Variants in NCOA2 observed in about 807,000 individuals in gnomAD.
NCOA2 encodes class E basic helix-loop-helix protein 75.
Under a neutral mutation model 145.1 loss-of-function variants are expected in NCOA2, and 21 were observed. That is an observed-to-expected ratio of 0.14 (90% CI 0.10 to 0.21). The LOEUF is 0.21. NCOA2 is among the 10% of genes least tolerant of loss of function. The pLI is 1.00. For missense variants in NCOA2, 1,472 were observed against 1,837.6 expected, an observed-to-expected ratio of 0.80 and a Z score of 3.64; for synonymous variants, 619 against 637.5, an observed-to-expected ratio of 0.97 and a Z score of 0.44.
intron 2 of NCOA2, among the ~76,000 whole-genome samples, chr8:70,226,470 C>T (rs1820650888): frequency 6.6e-6 from 1 of 151,870 alleles, no homozygotes; most frequent in African/African-American, 2.4e-5. Context: ...TGAGGGAAAC[C>T]TATACTGTAC....
rs559680322 is a variant in NCOA2, at chr8:70,321,793, CTTTTTTTTTT to C, written c.-76-25003_-76-24994del. On this transcript the variant is annotated intron_variant, in intron 1 of 22. Transcript: ENST00000452400. The stretch of plus-strand genomic sequence containing the variant: ...TGCTTTCCTAAGTTTCAGAATATAC[CTTTTTTTTTT>C]TTTTTTTTTTTTTTTTTTGGTGAAA... Among the ~76,000 whole-genome samples the C allele has an allele frequency of 2.3e-4, 17 of 73,570 alleles. No individual in the cohort carries two copies. The South Asian group carries it at 2.6e-3, about 11-fold the overall frequency. 48.3% of individuals were successfully genotyped at this position (73,570 alleles called of 152,430 possible). A position where few individuals can be genotyped will look rare whatever the true frequency, so the allele number is the denominator to read the frequency against.
At chr8:70,122,206 A>G (rs1487074585) in intron 21 of NCOA2, among the ~76,000 whole-genome samples, 3 of 152,148 alleles carry the variant, frequency 2.0e-5, no homozygotes, top group Non-Finnish European at 4.4e-5. Flanking sequence ...TCAACCCTAC[A>G]TTTCTCCATT....
chr8:70,233,191 A>G (rs1821301747), intron 2 of NCOA2, among the ~76,000 whole-genome samples: 1 of 151,150 alleles, frequency 6.6e-6, no homozygotes, highest in Admixed American at 6.6e-5. Flanking sequence ...GCACCACTAC[A>G]CTCCAGCCTG....
intron 1 of NCOA2, among the ~76,000 whole-genome samples, chr8:70,398,436 G>C (rs540105112): frequency 9.9e-5 from 15 of 152,256 alleles, no homozygotes; most frequent in African/African-American, 3.4e-4. Context: ...ACTCCAGCCT[G>C]GATGACAGAG....
At chr8:70,314,561 T>A (rs1162246214) in intron 1 of NCOA2, among the ~76,000 whole-genome samples, 2 of 152,164 alleles carry the variant, frequency 1.3e-5, no homozygotes, top group Admixed American at 1.3e-4. Flanking sequence ...ATTGTTAAAC[T>A]AGAACAAAAT....
At chr8:70,284,792 A>G (rs117232454) in intron 2 of NCOA2, among the ~76,000 whole-genome samples, 10 of 152,318 alleles carry the variant, frequency 6.6e-5, no homozygotes, top group Admixed American at 5.2e-4. Flanking sequence ...CTCTGGCAGC[A>G]TAAGTGAAGA....
At chr8:70,408,567 G>A (rs1814815005), upstream of NCOA2, among the ~76,000 whole-genome samples, 1 of 152,196 alleles carries the variant, frequency 6.6e-6, no homozygotes, top group South Asian at 2.1e-4. Context: ...GGGAAGCTGA[G>A]GCGGGAAGAT....
the NCOA2 span, among the ~76,000 whole-genome samples, chr8:70,428,041 T>C: frequency 6.6e-6 from 1 of 152,178 alleles, no homozygotes; most frequent in Non-Finnish European, 1.5e-5. Context: ...GAATAAAATA[T>C]ACTTGAATCT....
intron 2 of NCOA2, among the ~76,000 whole-genome samples, chr8:70,295,868 C>T (rs149362448): frequency 0.034 from 5,202 of 152,180 alleles, 296 homozygotes; most frequent in African/African-American, 0.12. Flanking sequence ...TCGCTTGAAC[C>T]CATGAGGCGG....
At position 70,259,767 on chromosome 8, in the gene NCOA2, A is replaced by G. The variant is rs186662428; in HGVS notation, c.-20+36977T>C. Among the ~76,000 whole-genome samples the G allele has an allele frequency of 1.4e-4, 21 of 152,350 alleles. No homozygotes were observed. In the East Asian group the frequency reaches 3.5e-3, roughly 25 times the overall value. The stretch of plus-strand genomic sequence containing the variant: ...ATTAAATAAAAATAAGAATCACTCA[A>G]TAAAACCTCAATCCTTATACTAAAT... On this transcript the variant is annotated intron_variant, in intron 2 of 22. Transcript: ENST00000452400.
At position 70,240,371 on chromosome 8, in the gene NCOA2, T is replaced by C. The variant is rs75534334; in HGVS notation, c.-19-23607A>G. On this transcript the variant is annotated intron_variant, in intron 2 of 22. Coordinates refer to ENST00000452400, the MANE Select transcript of NCOA2 (RefSeq NM_006540.4). ...TAAAAATAAGCTGCCTTCACTATTA[T>C]TGTCATTATTATCTGAAACACTTGG... Among the ~76,000 whole-genome samples the C allele has an allele frequency of 5.9e-3, 902 of 152,326 alleles. 5 individuals are homozygous for C. The highest frequency in any genetic ancestry group is 0.02 in the African/African-American group (840 of 41,568).
At chr8:70,388,164 AC>A (rs1812844139) in intron 1 of NCOA2, among the ~76,000 whole-genome samples, 1 of 150,874 alleles carries the variant, frequency 6.6e-6, no homozygotes, top group Non-Finnish European at 1.5e-5. Flanking sequence ...CAAGGAAAAA[AC>A]TGAAAAGGAA....
In NCOA2 at chr8:70,156,319, C is replaced by T. The variant is rs1478115995; in HGVS notation, c.2046G>A (p.Ser682=). 9.3e-6 allele frequency: 15 copies of T among 1,613,864 alleles called. No homozygotes were observed. The highest frequency in any genetic ancestry group is 1.6e-4 in the Middle Eastern group (1 of 6,062). ...GCAAAATTTTATGCTTCTCCTTGAG[C>T]GAGGTTCCATGTGTAGACCCAGAAC... ...LPGSGSTHGT[S]LKEKHKILHR... is the part of the protein sequence containing the mutation. Residue 682 remains serine (S), a synonymous_variant, in exon 11 of 23, where the codon TCG becomes TCA. Transcript: ENST00000452400.
At chr8:70,221,728 T>C (rs978774615) in intron 2 of NCOA2, among the ~76,000 whole-genome samples, 1 of 152,192 alleles carries the variant, frequency 6.6e-6, no homozygotes, top group African/African-American at 2.4e-5. Context: ...GCAGGAAATA[T>C]ACAGACTACT....
chr8:70,392,821 G>A (rs1313670857), intron 1 of NCOA2, among the ~76,000 whole-genome samples: 1 of 152,216 alleles, frequency 6.6e-6, no homozygotes, highest in African/African-American at 2.4e-5. Context: ...GTCCAGGTGT[G>A]AAAAATGTCC....
At chr8:70,136,541 T>C (rs942369185) in intron 15 of NCOA2, among the ~76,000 whole-genome samples, 3 of 133,436 alleles carry the variant, frequency 2.2e-5, no homozygotes, top group African/African-American at 6.5e-5. Flanking sequence ...ATATACCAGA[T>C]GAATGAAGGA....
chr8:70,434,696 T>C, the NCOA2 span, among the ~76,000 whole-genome samples: 1 of 152,114 alleles, frequency 6.6e-6, no homozygotes, highest in East Asian at 1.9e-4. Flanking sequence ...AGCCTCCAAG[T>C]AGCTAGAACT....
At chr8:70,377,406 AATTTAGT>A (rs1811779856) in intron 1 of NCOA2, among the ~76,000 whole-genome samples, 1 of 152,100 alleles carries the variant, frequency 6.6e-6, no homozygotes, top group East Asian at 1.9e-4. Flanking sequence ...AATAAATAAA[AATTTAGT>A]ATTTAGTACA....
intron 21 of NCOA2, among the ~76,000 whole-genome samples, chr8:70,122,517 G>A (rs1193825448): frequency 2.0e-5 from 3 of 151,444 alleles, no homozygotes; most frequent in African/African-American, 7.3e-5. Context: ...TCAGCCTCCT[G>A]AATAGCTGGG....
Sources: allele counts gnomAD v4.1 joint callset (sites outside exome capture counted in the v4.1 genomes callset), GRCh38; gene constraint gnomAD v4.1.1; transcripts MANE v1.5; gene names NCBI Gene and HGNC (gene_info 2026-07-23, HGNC 2026-07-21).